The following ANXA8 variants were observed in gnomAD, a reference collection of about 807,000 sequenced individuals.
ANXA8 encodes VAC-beta.
A neutral mutation model predicts 26.8 loss-of-function variants in ANXA8; 9 were observed. The observed-to-expected ratio is 0.34, with a 90% CI of 0.20 to 0.59. ANXA8 has a LOEUF of 0.59. Among genes scored for constraint, ANXA8 ranks in the 20% least tolerant of loss-of-function variants. The pLI is 0.84. For synonymous variants in ANXA8, 39 were observed against 94.8 expected (o/e 0.41, Z 3.42); for missense variants, 83 against 238.5 (o/e 0.35, Z 4.29).
the ANXA8 span, among the ~76,000 whole-genome samples, chr10:47,652,168 G>A: frequency 6.6e-6 from 1 of 152,036 alleles, no homozygotes; most frequent in Admixed American, 6.5e-5. Flanking sequence ...ACTGTTAATA[G>A]GTATGGGGTT....
At chr10:47,756,864 T>TGA in the ANXA8 span, among the ~76,000 whole-genome samples, 2 of 143,680 alleles carry the variant, frequency 1.4e-5, no homozygotes, top group African/African-American at 5.2e-5. Flanking sequence ...CTGGAGGAAC[T>TGA]GGACCCATGC....
the ANXA8 span, among the ~76,000 whole-genome samples, chr10:47,683,574 T>C: frequency 6.6e-5 from 10 of 151,914 alleles, no homozygotes; most frequent in Non-Finnish European, 1.2e-4. Context: ...AAATGAACTA[T>C]GATAGCAAAT....
chr10:47,761,102 G>GCACA, the ANXA8 span, among the ~76,000 whole-genome samples: 2,235 of 145,416 alleles, frequency 0.015, 27 homozygotes, highest in Middle Eastern at 0.042. Context: ...ACACACACAC[G>GCACA]CACACACACA....
chr10:47,694,395 A>G, the ANXA8 span, among the ~76,000 whole-genome samples: 2 of 147,750 alleles, frequency 1.4e-5, no homozygotes, highest in African/African-American at 5.0e-5. Flanking sequence ...CTATTGATAT[A>G]TACCCCCAAA....
At chr10:47,688,058 G>A in the ANXA8 span, among the ~76,000 whole-genome samples, 2 of 151,226 alleles carry the variant, frequency 1.3e-5, no homozygotes, top group African/African-American at 2.4e-5. Context: ...CTGAGATCGC[G>A]TCATTGCACT....
chr10:47,483,945 C>T lies in ANXA8; in HGVS notation c.-12G>A, dbSNP rs1207952878. The stretch of plus-strand genomic sequence containing the variant: ...TTCCACCAGGCCATCTCTTTCACCT[C>T]GGGGGCACCTTTCCCAGGGAGATGA... On this transcript the variant is annotated 5_prime_UTR_variant, in exon 1 of 12. Coordinates refer to ENST00000585281, the MANE Select transcript of ANXA8 (RefSeq NM_001040084.3). 101 of 1,611,688 alleles carry T rather than the reference C, an allele frequency of 6.3e-5. No individual in the cohort carries two copies. Among genetic ancestry groups the T allele is most frequent in the Admixed American group, 2.0e-4 (12 of 59,996 alleles).
chr10:47,583,433 C>CT, the ANXA8 span, among the ~76,000 whole-genome samples: 37 of 68,974 alleles, frequency 5.4e-4, no homozygotes, highest in African/African-American at 2.4e-3. Flanking sequence ...GCCCCTAGAC[C>CT]CCCCTGCCCC....
the ANXA8 span, among the ~76,000 whole-genome samples, chr10:47,721,314 G>A: frequency 8.6e-4 from 121 of 140,976 alleles, 10 homozygotes; most frequent in Middle Eastern, 3.5e-3. Flanking sequence ...TTCCTTATGG[G>A]GAGGAGGGCC....
the ANXA8 span, among the ~76,000 whole-genome samples, chr10:47,589,927 A>AGATC: frequency 1.4e-5 from 2 of 143,994 alleles, no homozygotes; most frequent in Non-Finnish European, 3.0e-5. Context: ...ATAGATAGAT[A>AGATC]GATAGATAGA....
chr10:47,728,760 C>CTTTTT, the ANXA8 span, among the ~76,000 whole-genome samples: 2 of 116,700 alleles, frequency 1.7e-5, no homozygotes, highest in African/African-American at 6.9e-5. Context: ...GTTATCTCTT[C>CTTTTT]TTTTTTTTTT....
chr10:47,631,958 T>C, the ANXA8 span, among the ~76,000 whole-genome samples: 4 of 151,984 alleles, frequency 2.6e-5, no homozygotes, highest in Admixed American at 6.5e-5. Context: ...AAGATACATA[T>C]TATAGTGCCC....
the ANXA8 span, among the ~76,000 whole-genome samples, chr10:47,969,407 TAC>T: frequency 5.2e-3 from 785 of 149,870 alleles, no homozygotes; most frequent in African/African-American, 0.018. Flanking sequence ...CCACAAATCT[TAC>T]AGTTCTGGAG....
chr10:47,715,858 G>A, the ANXA8 span: 2 of 996,430 alleles, frequency 2.0e-6, no homozygotes. Flanking sequence ...AAGTGTTCAG[G>A]TAAGATTTTT....
At chr10:47,559,096 T>C in the ANXA8 span, among the ~76,000 whole-genome samples, 1 of 151,270 alleles carries the variant, frequency 6.6e-6, no homozygotes, top group Admixed American at 6.6e-5. Context: ...GTTGTGCTAT[T>C]TTTTCCCAAT....
the ANXA8 span, among the ~76,000 whole-genome samples, chr10:47,651,965 CAAG>C: frequency 2.7e-5 from 4 of 150,630 alleles, no homozygotes; most frequent in African/African-American, 4.9e-5. Flanking sequence ...TATTCAGCCA[CAAG>C]AAGGAGTGAA....
At chr10:47,968,248 T>C in the ANXA8 span, among the ~76,000 whole-genome samples, 6 of 150,824 alleles carry the variant, frequency 4.0e-5, no homozygotes, top group South Asian at 4.2e-4. Context: ...AATTAAAATC[T>C]GCCACTGCCA....
intron 1 of ANXA8, among the ~76,000 whole-genome samples, chr10:47,483,552 G>A (rs1353170124): frequency 7.2e-6 from 1 of 138,100 alleles, no homozygotes; most frequent in East Asian, 2.4e-4. Flanking sequence ...AAATGCACAC[G>A]TGTGTGCACC....
the ANXA8 span, among the ~76,000 whole-genome samples, chr10:47,519,458 A>C: frequency 9.2e-6 from 1 of 108,124 alleles, no homozygotes; most frequent in Non-Finnish European, 1.8e-5. Context: ...ACAGAGTGAG[A>C]CTCCATTTCA....
the ANXA8 span, among the ~76,000 whole-genome samples, chr10:47,498,171 C>G: frequency 6.7e-6 from 1 of 150,344 alleles, no homozygotes; most frequent in Admixed American, 6.7e-5. Context: ...CCCCATGTCC[C>G]TGGCAACCCC....
Sources: allele counts gnomAD v4.1 joint callset (sites outside exome capture counted in the v4.1 genomes callset), GRCh38; gene constraint gnomAD v4.1.1; transcripts MANE v1.5; gene names NCBI Gene and HGNC (gene_info 2026-07-23, HGNC 2026-07-21).